CDH12: variants seen among roughly 807,000 people sequenced by gnomAD.
The protein encoded by CDH12 is cadherin-12.
A neutral mutation model predicts 74.1 loss-of-function variants in CDH12; 41 were observed. The ratio of observed to expected loss-of-function variants is 0.55; its 90% CI spans 0.43 to 0.72. The LOEUF (loss-of-function observed/expected upper bound fraction) is 0.72, where lower values mean the gene tolerates loss of function less well. CDH12 is among the 30% of genes least tolerant of loss of function. The pLI, the probability that CDH12 is intolerant of heterozygous loss-of-function variation, is 0.00. For synonymous variants in CDH12, 399 were observed against 355.0 expected, an observed-to-expected ratio of 1.12 and a Z score of -1.39; for missense variants, 945 against 977.2, an observed-to-expected ratio of 0.97 and a Z score of 0.44.
chr5:22,164,482 A>C (rs974981075), intron 4 of CDH12, among the ~76,000 whole-genome samples: 13 of 152,162 alleles, frequency 8.5e-5, no homozygotes, highest in Non-Finnish European at 1.5e-5. Flanking sequence ...AGGGTCTGTG[A>C]CGGCGGCAAA....
At chr5:22,470,416 A>ATTTTATTTAT (rs145307255) in intron 2 of CDH12, among the ~76,000 whole-genome samples, 113 of 146,424 alleles carry the variant, frequency 7.7e-4, no homozygotes, top group Admixed American at 1.8e-3. Context: ...ATTTTATTTT[A>ATTTTATTTAT]TTTATTTTAT....
intron 9 of CDH12, among the ~76,000 whole-genome samples, chr5:21,814,229 A>C (rs1747919816): frequency 6.6e-6 from 1 of 151,822 alleles, no homozygotes; most frequent in Non-Finnish European, 1.5e-5. Flanking sequence ...CCCTATCTAA[A>C]TCTATTTTAA....
intron 11 of CDH12, among the ~76,000 whole-genome samples, chr5:21,770,519 G>T (rs1196170852): frequency 1.3e-5 from 2 of 151,744 alleles, no homozygotes; most frequent in Non-Finnish European, 2.9e-5. Context: ...CACTACTCGG[G>T]AGGCAGGAGA....
intron 5 of CDH12, among the ~76,000 whole-genome samples, chr5:21,984,193 G>T (rs1156704328): frequency 1.3e-5 from 2 of 152,104 alleles, no homozygotes; most frequent in Admixed American, 6.6e-5. Context: ...ATGAATAAAA[G>T]AATCAATCAT....
intron 6 of CDH12, among the ~76,000 whole-genome samples, chr5:21,951,764 T>A (rs1403729162): frequency 6.6e-6 from 1 of 152,212 alleles, no homozygotes; most frequent in Non-Finnish European, 1.5e-5. Context: ...ACTATCTTCA[T>A]TATGCAAATA....
At chr5:21,854,287 C>G in intron 7 of CDH12, among the ~76,000 whole-genome samples, 1 of 151,596 alleles carries the variant, frequency 6.6e-6, no homozygotes, top group East Asian at 1.9e-4. Context: ...GCAATAGAAG[C>G]TCCAGGATGT....
intron 4 of CDH12, among the ~76,000 whole-genome samples, chr5:22,206,623 A>G (rs548586768): frequency 1.9e-3 from 272 of 144,550 alleles, no homozygotes; most frequent in African/African-American, 6.7e-3. Context: ...GTTGATTCCT[A>G]TATGTACCAA....
chr5:22,711,304 G>A (rs1167794818), intron 1 of CDH12, among the ~76,000 whole-genome samples: 2 of 152,000 alleles, frequency 1.3e-5, no homozygotes, highest in Admixed American at 1.3e-4. Flanking sequence ...AAACCAAGGT[G>A]GATAAGTAAG....
At position 22,788,823 on chromosome 5, in the gene CDH12, G is replaced by T. The variant is rs1235422851; in HGVS notation, c.-523+64235C>A. ...ATGCTAAAATAAGGAACCTGAAGATGGATGTGGTGCAGTTCACTCTATCAG... is the reference window on the plus strand; with the variant it reads ...ATGCTAAAATAAGGAACCTGAAGATTGATGTGGTGCAGTTCACTCTATCAG... On this transcript the variant is annotated intron_variant, in intron 1 of 14. Coordinates refer to ENST00000382254, the MANE Select transcript of CDH12 (RefSeq NM_004061.5). Among the ~76,000 whole-genome samples the T allele has an allele frequency of 2.0e-5, 3 of 151,736 alleles. No homozygotes were observed. The South Asian group carries it at 6.2e-4, about 32-fold the overall frequency.
intron 3 of CDH12, among the ~76,000 whole-genome samples, chr5:22,232,327 A>G (rs530989370): frequency 6.6e-6 from 1 of 152,072 alleles, no homozygotes; most frequent in East Asian, 1.9e-4. Flanking sequence ...AGTATTTCTT[A>G]GATGAGCTTG....
intron 1 of CDH12, among the ~76,000 whole-genome samples, chr5:22,545,826 A>C (rs1297830348): frequency 2.0e-5 from 3 of 152,204 alleles, no homozygotes; most frequent in African/African-American, 7.2e-5. Flanking sequence ...CAGCAAAGTT[A>C]TCTGAGAAAA....
At chr5:22,068,205 G>A (rs533084619) in intron 5 of CDH12, among the ~76,000 whole-genome samples, 1 of 152,162 alleles carries the variant, frequency 6.6e-6, no homozygotes, top group East Asian at 1.9e-4. Context: ...GGCCTCAGCA[G>A]GCCCTTGATG....
At chr5:22,449,458 T>C (rs1039807634) in intron 2 of CDH12, among the ~76,000 whole-genome samples, 2 of 152,052 alleles carry the variant, frequency 1.3e-5, no homozygotes, top group African/African-American at 2.4e-5. Flanking sequence ...GAGTGCCATA[T>C]CCATTTTATT....
intron 1 of CDH12, among the ~76,000 whole-genome samples, chr5:22,723,924 C>T (rs1349108150): frequency 6.6e-6 from 1 of 151,982 alleles, no homozygotes; most frequent in Non-Finnish European, 1.5e-5. Context: ...ATTTCACATA[C>T]TGTGTAATGG....
chr5:22,821,124 A>G (rs951436659), intron 1 of CDH12, among the ~76,000 whole-genome samples: 11 of 152,140 alleles, frequency 7.2e-5, no homozygotes, highest in Non-Finnish European at 1.6e-4. Flanking sequence ...ACAGAACCAA[A>G]GACAAAAACC....
At chr5:21,939,989 A>C (rs771165855) in intron 6 of CDH12, among the ~76,000 whole-genome samples, 1 of 152,122 alleles carries the variant, frequency 6.6e-6, no homozygotes, top group Non-Finnish European at 1.5e-5. Context: ...GGGAGGCCAC[A>C]GTGAGTGGAC....
intron 1 of CDH12, among the ~76,000 whole-genome samples, chr5:22,852,343 GTCT>G (rs1737596398): frequency 6.6e-6 from 1 of 152,122 alleles, no homozygotes; most frequent in Non-Finnish European, 1.5e-5. Context: ...AATGCTGAAG[GTCT>G]TTTTTGAAAA....
intron 4 of CDH12, among the ~76,000 whole-genome samples, chr5:22,091,364 A>G (rs1743425418): frequency 6.6e-6 from 1 of 150,900 alleles, no homozygotes; most frequent in South Asian, 2.1e-4. Context: ...TCAATATACA[A>G]AACTCAACTG....
At chr5:21,792,121 T>C (rs1191642995) in intron 10 of CDH12, among the ~76,000 whole-genome samples, 1 of 151,892 alleles carries the variant, frequency 6.6e-6, no homozygotes, top group African/African-American at 2.4e-5. Context: ...TTTTGCCTTT[T>C]GGAAGACAAT....
Sources: gnomAD v4.1 joint callset for allele counts (sites outside exome capture counted in the v4.1 genomes callset) on GRCh38, gnomAD v4.1.1 for gene constraint, MANE v1.5 for transcripts, NCBI Gene and HGNC (gene_info 2026-07-23, HGNC 2026-07-21) for gene names.